RYR2: variants seen among roughly 807,000 people sequenced by gnomAD.
The protein encoded by RYR2 is cardiac muscle ryanodine receptor-calcium release channel.
A neutral mutation model predicts 601.1 loss-of-function variants in RYR2; 227 were observed. The observed-to-expected ratio is 0.38, with a 90% CI of 0.34 to 0.42. The LOEUF (loss-of-function observed/expected upper bound fraction) is 0.42, where lower values mean the gene tolerates loss of function less well. RYR2 is among the 10% of genes least tolerant of loss of function. RYR2 has a pLI of 1.00. For synonymous variants in RYR2, 2,223 were observed against 2,175.1 expected, an observed-to-expected ratio of 1.02 and a Z score of -0.61; for missense variants, 4,646 against 6,156.5, an observed-to-expected ratio of 0.75 and a Z score of 8.21.
At chr1:237,704,848 G>A (rs1221020764) in intron 66 of RYR2, among the ~76,000 whole-genome samples, 1 of 151,874 alleles carries the variant, frequency 6.6e-6, no homozygotes, top group African/African-American at 2.4e-5. Context: ...TTTAACATAA[G>A]TCATCCAAAA....
chr1:237,464,751 T>G (rs954167145), intron 16 of RYR2, among the ~76,000 whole-genome samples: 1 of 152,210 alleles, frequency 6.6e-6, no homozygotes. Flanking sequence ...GCTATCAATG[T>G]TCTTTTATAG....
intron 1 of RYR2, among the ~76,000 whole-genome samples, chr1:237,209,471 T>A (rs958219615): frequency 7.4e-6 from 1 of 135,524 alleles, no homozygotes; most frequent in Admixed American, 7.8e-5. Context: ...ATACTATAGT[T>A]ATGGTACAGT....
chr1:237,053,357 AG>A (rs1661524071), intron 1 of RYR2, among the ~76,000 whole-genome samples: 1 of 152,216 alleles, frequency 6.6e-6, no homozygotes, highest in Admixed American at 6.5e-5. Flanking sequence ...TGGCTGTCAG[AG>A]AAGCGTAAAA....
intron 35 of RYR2, among the ~76,000 whole-genome samples, chr1:237,605,635 T>G (rs1038979601): frequency 2.0e-5 from 3 of 152,072 alleles, no homozygotes; most frequent in African/African-American, 7.2e-5. Context: ...TTGTCCCTGT[T>G]TGCAGATGAC....
chr1:237,094,743 C>A (rs35684355), intron 1 of RYR2, among the ~76,000 whole-genome samples: 1,866 of 152,250 alleles, frequency 0.012, 33 homozygotes, highest in Non-Finnish European at 0.014. Flanking sequence ...AGGCGCCCAC[C>A]ACCATGCCCA....
intron 1 of RYR2, among the ~76,000 whole-genome samples, chr1:237,207,932 T>TG (rs1419004918): frequency 6.6e-6 from 1 of 152,156 alleles, no homozygotes; most frequent in Non-Finnish European, 1.5e-5. Flanking sequence ...TCACCTTAGG[T>TG]GGGGTCTTTG....
chr1:237,676,511 ATGT>A (rs1312019034), intron 60 of RYR2, among the ~76,000 whole-genome samples: 1 of 152,116 alleles, frequency 6.6e-6, no homozygotes. Flanking sequence ...ACAACTCCTG[ATGT>A]TGTGTGTACC....
chr1:237,049,813 C>T (rs978905370), intron 1 of RYR2, among the ~76,000 whole-genome samples: 21 of 152,108 alleles, frequency 1.4e-4, no homozygotes, highest in African/African-American at 4.8e-4. Context: ...TACTTAGGTT[C>T]GGATCCATTT....
chr1:237,778,974 C>G (rs1694883855), intron 88 of RYR2, among the ~76,000 whole-genome samples: 1 of 152,110 alleles, frequency 6.6e-6, no homozygotes, highest in South Asian at 2.1e-4. Flanking sequence ...TGAGAATAGA[C>G]AGGAGTCATT....
chr1:237,509,099 G>A (rs1343107718), intron 23 of RYR2, among the ~76,000 whole-genome samples: 1 of 152,144 alleles, frequency 6.6e-6, no homozygotes, highest in East Asian at 1.9e-4. Context: ...GCCCGCAACT[G>A]ACTCAAGTTA....
chr1:237,722,626 G>A lies in RYR2; in HGVS notation c.10555-502G>A, dbSNP rs1014680874. 2.0e-5 allele frequency among the ~76,000 whole-genome samples: 3 copies of A among 151,836 alleles called. No homozygotes were observed. The East Asian group carries it at 5.8e-4, about 30-fold the overall frequency. On this transcript the variant is annotated intron_variant, in intron 73 of 104. Coordinates refer to ENST00000366574, the MANE Select transcript of RYR2 (RefSeq NM_001035.3). ...TTTTTTGTATTTTTAGTAGAAACGG[G>A]GTTTCACCGTGTTAACCAGGACGGT...
chr1:237,631,301 T>C, intron 41 of RYR2, 126 bp from the exon 42 acceptor site: 3 of 640,202 alleles, frequency 4.7e-6, no homozygotes, highest in Non-Finnish European at 8.1e-6. Context: ...TTGTGGCTTA[T>C]TAAATACTGT....
chr1:237,289,821 T>C (rs1692014238), intron 2 of RYR2, among the ~76,000 whole-genome samples: 1 of 152,210 alleles, frequency 6.6e-6, no homozygotes, highest in South Asian at 2.1e-4. Context: ...TATTGATAAA[T>C]TTGGTACAGA....
At chr1:237,555,179 A>G (rs529594657) in intron 27 of RYR2, 1 of 152,250 alleles carries the variant, frequency 6.6e-6, no homozygotes, top group African/African-American at 2.4e-5. Flanking sequence ...TTTCTAATCA[A>G]CAAATGTATA....
chr1:237,725,245 G>A lies in RYR2; in HGVS notation c.10690-1028G>A, dbSNP rs565392008. 4.6e-5 allele frequency among the ~76,000 whole-genome samples: 7 copies of A among 152,166 alleles called. No individual in the cohort carries two copies. The East Asian group carries it at 1.4e-3, about 29-fold the overall frequency. On this transcript the variant is annotated intron_variant, in intron 74 of 104. Transcript: ENST00000366574. ...GAGTTTTTCAAACTGTTAAGAATAT[G>A]GCGAGATTGGTTTATCATGAGAGGA...
chr1:237,200,776 C>G (rs1009151864), intron 1 of RYR2, among the ~76,000 whole-genome samples: 2 of 152,180 alleles, frequency 1.3e-5, no homozygotes, highest in Non-Finnish European at 2.9e-5. Context: ...TTTTCTATAA[C>G]TGTAGTATAA....
intron 29 of RYR2, among the ~76,000 whole-genome samples, chr1:237,584,025 A>G (rs895010441): frequency 2.6e-5 from 4 of 152,244 alleles, no homozygotes; most frequent in Non-Finnish European, 5.9e-5. Flanking sequence ...TTGGGCTCAT[A>G]TGCACTAATT....
chr1:237,584,151 G>A (rs984965312), intron 29 of RYR2, among the ~76,000 whole-genome samples: 1 of 152,102 alleles, frequency 6.6e-6, no homozygotes, highest in Admixed American at 6.5e-5. Flanking sequence ...CAGGAAGGTG[G>A]GACCCATATT....
chr1:237,473,444 T>TCTTTCTTTCTTTCTTTCTTTCTTTCTTC (rs1660995166), intron 17 of RYR2, among the ~76,000 whole-genome samples: 1 of 143,962 alleles, frequency 6.9e-6, no homozygotes, highest in African/African-American at 2.5e-5. Flanking sequence ...TTTCTTTCTT[T>TCTTTCTTTCTTTCTTTCTTTCTTTCTTC]CTTTCTTTCT....
Sources: allele counts gnomAD v4.1 joint callset (sites outside exome capture counted in the v4.1 genomes callset), GRCh38; gene constraint gnomAD v4.1.1; transcripts MANE v1.5; gene names NCBI Gene and HGNC (gene_info 2026-07-23, HGNC 2026-07-21).